Variants in WDR59 observed in about 807,000 individuals in gnomAD.
WDR59 encodes the protein WD repeat domain 59.
In WDR59, 100 loss-of-function variants were observed where a neutral mutation model predicts 131.2. The ratio of observed to expected loss-of-function variants is 0.76; its 90% CI spans 0.65 to 0.90. The LOEUF (loss-of-function observed/expected upper bound fraction) is 0.90. WDR59 is among the 40% of genes least tolerant of loss of function. The pLI is 0.00. For synonymous variants in WDR59, 601 were observed against 466.2 expected, an observed-to-expected ratio of 1.29 and a Z score of -3.72; for missense variants, 1,203 against 1,262.2, an observed-to-expected ratio of 0.95 and a Z score of 0.71.
chr16:74,936,552 A>T (rs2031815475), intron 8 of WDR59, among the ~76,000 whole-genome samples: 1 of 151,942 alleles, frequency 6.6e-6, no homozygotes, highest in Admixed American at 6.6e-5. Context: ...GCAGCCGGGC[A>T]TGGTAGCTCA....
At chr16:74,950,479 C>T (rs1201913240) in intron 4 of WDR59, among the ~76,000 whole-genome samples, 1 of 152,246 alleles carries the variant, frequency 6.6e-6, no homozygotes, top group African/African-American at 2.4e-5. Flanking sequence ...CAGCGGCAAA[C>T]TGCCACACTG....
intron 2 of WDR59, among the ~76,000 whole-genome samples, chr16:74,964,140 G>A (rs1159421993): frequency 6.6e-6 from 1 of 152,128 alleles, no homozygotes; most frequent in African/African-American, 2.4e-5. Flanking sequence ...CAGGACTTTG[G>A]GAGAATAAGC....
intron 25 of WDR59, among the ~76,000 whole-genome samples, chr16:74,877,339 C>G (rs570334690): frequency 6.6e-6 from 1 of 152,118 alleles, no homozygotes; most frequent in Admixed American, 6.5e-5. Context: ...CCAAAGAAAA[C>G]TGTTCAGTGA....
chr16:74,955,510 G>A (rs549530441), intron 3 of WDR59, among the ~76,000 whole-genome samples: 9 of 152,294 alleles, frequency 5.9e-5, no homozygotes, highest in Non-Finnish European at 1.3e-4. Context: ...AGGCCTGAGA[G>A]TAGAAAGGCA....
chr16:74,886,462 C>T, intron 23 of WDR59, 66 bp from the exon 24 acceptor site: 3 of 1,572,244 alleles, frequency 1.9e-6, no homozygotes, highest in South Asian at 1.2e-5. Flanking sequence ...TCTGAAGAGT[C>T]TCATAAGACA....
Position 74,941,798 on chromosome 16 carries a change from G to C in WDR59, c.534+940C>G, listed in dbSNP as rs950025058. Among the ~76,000 whole-genome samples the C allele has an allele frequency of 3.0e-4, 46 of 152,060 alleles. 1 individual carries two copies. The highest frequency in any genetic ancestry group is 3.0e-3 in the Admixed American group (45 of 15,246). On this transcript the variant is annotated intron_variant, in intron 7 of 25. Coordinates refer to ENST00000262144, the MANE Select transcript of WDR59 (RefSeq NM_030581.4). ...GCTTCTGCCACATAAGGCTTCCCCA[G>C]CATGTCCTGGAGCCTAATGCAGCAG... is the stretch of plus-strand genomic sequence containing the variant.
intron 6 of WDR59, 131 bp from the exon 7 acceptor site, chr16:74,942,957 C>T (rs1188297748): frequency 4.2e-6 from 3 of 706,626 alleles, no homozygotes; most frequent in East Asian, 2.8e-5. Context: ...TCTGTGACTG[C>T]ACCAACTCCA....
chr16:74,971,904 T>C (rs369203614), intron 1 of WDR59, among the ~76,000 whole-genome samples: 11 of 151,824 alleles, frequency 7.2e-5, no homozygotes, highest in African/African-American at 2.4e-4. Context: ...AGATGGGGGG[T>C]CGCTATGTAG....
intron 6 of WDR59, among the ~76,000 whole-genome samples, chr16:74,947,942 C>A (rs28687703): frequency 1.3e-5 from 2 of 152,042 alleles, no homozygotes; most frequent in Admixed American, 6.6e-5. Context: ...TGGTGGCAGG[C>A]GCCTGTAATC....
At chr16:74,908,674 A>G in intron 17 of WDR59, 1 of 401,504 alleles carries the variant, frequency 2.5e-6, no homozygotes, top group Non-Finnish European at 4.4e-6. Context: ...CCTTGTTTTG[A>G]CAATAGCTTT....
chr16:74,914,296 G>A (rs1966254920), intron 13 of WDR59, among the ~76,000 whole-genome samples: 1 of 152,140 alleles, frequency 6.6e-6, no homozygotes, highest in African/African-American at 2.4e-5. Flanking sequence ...AAGGAATCAA[G>A]ATCTTAAACT....
intron 1 of WDR59, among the ~76,000 whole-genome samples, chr16:74,974,290 G>A (rs2034099867): frequency 6.6e-6 from 1 of 152,104 alleles, no homozygotes; most frequent in South Asian, 2.1e-4. Context: ...ATCTTTCTGG[G>A]GCTCACACTC....
rs763446353 is a variant in WDR59 at position 74,909,812 on chromosome 16, T to C, written c.1485+10A>G. ...AGCCTAAGTTGGTATGACAGTTTCA[T>C]GCTTCCCACCACAAAGGACTCAAGG... On this transcript the variant is annotated intron_variant, in intron 15 of 25. Coordinates refer to ENST00000262144, the MANE Select transcript of WDR59 (RefSeq NM_030581.4). The C allele has an allele frequency of 4.4e-6, 7 of 1,607,900 alleles. No individual in the cohort carries two copies. The highest frequency in any genetic ancestry group is 1.7e-5 in the Admixed American group (1 of 58,678).
At chr16:74,949,619 G>T in intron 5 of WDR59, 99 bp downstream of exon 5, 2 of 981,122 alleles carry the variant, frequency 2.0e-6, no homozygotes, top group Non-Finnish European at 3.1e-6. Context: ...TTGTCTCGAG[G>T]TCTGTATCGA....
At chr16:74,982,397 C>A (rs1167524679) in intron 1 of WDR59, among the ~76,000 whole-genome samples, 1 of 151,996 alleles carries the variant, frequency 6.6e-6, no homozygotes, top group African/African-American at 2.4e-5. Context: ...TAAAATTACC[C>A]AATTTACTTT....
intron 8 of WDR59, among the ~76,000 whole-genome samples, chr16:74,937,050 C>A (rs545652714): frequency 6.6e-6 from 1 of 152,204 alleles, no homozygotes; most frequent in East Asian, 1.9e-4. Flanking sequence ...ATAAATGACA[C>A]TGAATCATAA....
At chr16:74,967,368 A>C (rs182484344) in intron 1 of WDR59, among the ~76,000 whole-genome samples, 2 of 152,296 alleles carry the variant, frequency 1.3e-5, no homozygotes, top group Non-Finnish European at 2.9e-5. Context: ...GGAGGAGGGC[A>C]AGATGGTTCC....
intron 8 of WDR59, among the ~76,000 whole-genome samples, chr16:74,931,277 C>T (rs950745193): frequency 2.0e-5 from 3 of 152,078 alleles, no homozygotes; most frequent in African/African-American, 7.2e-5. Context: ...ATAAAAATTA[C>T]ATTAAATCGA....
chr16:74,922,213 G>A (rs2145003650), intron 9 of WDR59, 110 bp from the exon 10 acceptor site: 1 of 1,399,584 alleles, frequency 7.1e-7, no homozygotes, highest in Non-Finnish European at 9.7e-7. Flanking sequence ...TTAGATAATG[G>A]AAGGCCCCAA....
Sources: gnomAD v4.1 joint callset for allele counts (sites outside exome capture counted in the v4.1 genomes callset) on GRCh38, gnomAD v4.1.1 for gene constraint, MANE v1.5 for transcripts, NCBI Gene and HGNC (gene_info 2026-07-23, HGNC 2026-07-21) for gene names.